Variants in DLGAP2 observed in about 807,000 individuals in gnomAD.
DLGAP2 encodes disks large-associated protein 2.
A neutral mutation model predicts 100.3 loss-of-function variants in DLGAP2; 26 were observed. The ratio of observed to expected loss-of-function variants is 0.26; its 90% CI spans 0.19 to 0.36. DLGAP2 has a LOEUF of 0.36. Among genes scored for constraint, DLGAP2 ranks in the 10% least tolerant of loss-of-function variants. DLGAP2 has a pLI of 1.00. For missense variants in DLGAP2, 1,858 were observed against 1,453.2 expected (o/e 1.28, Z -4.53); for synonymous variants, 886 against 630.1 (o/e 1.41, Z -6.08).
At chr8:1,067,604 CGTGTGTGTGTGTGT>C (rs3220190) in intron 2 of DLGAP2, among the ~76,000 whole-genome samples, 14 of 140,304 alleles carry the variant, frequency 1.0e-4, no homozygotes, top group African/African-American at 3.0e-4. Context: ...GGTTGAGTGA[CGTGTGTGTGTGTGT>C]GTGTGTGTGT....
intron 1 of DLGAP2, among the ~76,000 whole-genome samples, chr8:774,850 A>G (rs1170956721): frequency 1.4e-5 from 2 of 146,340 alleles, no homozygotes; most frequent in East Asian, 2.0e-4. Context: ...TTGGTTCCAT[A>G]TGAACTTTAA....
At chr8:1,103,716 T>G (rs1236094084) in intron 2 of DLGAP2, among the ~76,000 whole-genome samples, 1 of 46,862 alleles carries the variant, frequency 2.1e-5, no homozygotes, top group Non-Finnish European at 4.2e-5. Flanking sequence ...GGGCCTTGGT[T>G]GACGGTGATG....
chr8:1,408,347 C>T (rs928066925), intron 3 of DLGAP2, among the ~76,000 whole-genome samples: 13 of 152,192 alleles, frequency 8.5e-5, no homozygotes, highest in Admixed American at 1.3e-4. Context: ...CTCGGGGAGG[C>T]GTCTGTGTTC....
intron 2 of DLGAP2, among the ~76,000 whole-genome samples, chr8:1,199,977 G>C (rs1797835360): frequency 6.6e-6 from 1 of 152,126 alleles, no homozygotes; most frequent in Admixed American, 6.5e-5. Flanking sequence ...TCTCAGCAGG[G>C]GTCAGTCTGT....
intron 3 of DLGAP2, among the ~76,000 whole-genome samples, chr8:1,457,975 C>CATATATATATATATATATATAT (rs57897392): frequency 1.9e-5 from 2 of 107,738 alleles, no homozygotes; most frequent in Non-Finnish European, 3.9e-5. Flanking sequence ...GTTCTCTGAT[C>CATATATATATATATATATATAT]ATATATATAT....
At position 1,430,023 on chromosome 8, in the gene DLGAP2, TATATAC is replaced by T. The variant is rs1563142124; in HGVS notation, c.107-71341_107-71336del. Among the ~76,000 whole-genome samples, 18 of 97,926 alleles carry T rather than the reference TATATAC, an allele frequency of 1.8e-4. 1 individual carries two copies. Among genetic ancestry groups the T allele is most frequent in the Admixed American group, 4.5e-4 (4 of 8,920 alleles). 64.2% of individuals were successfully genotyped at this position (97,926 alleles called of 152,430 possible). On this transcript the variant is annotated intron_variant, in intron 3 of 14. Coordinates refer to ENST00000637795, the MANE Select transcript of DLGAP2 (RefSeq NM_001346810.2). The stretch of plus-strand genomic sequence containing the variant: ...ATATATATACATATATATATATATA[TATATAC>T]ACACACACACATATGAACTTAGAAT...
In DLGAP2 at chr8:1,646,437, A is replaced by G. The variant is rs186841144; in HGVS notation, c.1810+13391A>G. On this transcript the variant is annotated intron_variant, in intron 8 of 14. Transcript: ENST00000637795. ...TCTATATGTGTTCATCTATATCTCTATCGTCTGTCCATCCATCCCACCCAT... is the reference window on the plus strand; with the variant it reads ...TCTATATGTGTTCATCTATATCTCTGTCGTCTGTCCATCCATCCCACCCAT... 9.9e-5 allele frequency among the ~76,000 whole-genome samples: 15 copies of G among 152,090 alleles called. No homozygotes were observed. The East Asian group carries it at 1.5e-3, about 16-fold the overall frequency.
At chr8:1,582,770 T>A (rs1176131169) in intron 6 of DLGAP2, among the ~76,000 whole-genome samples, 2 of 152,160 alleles carry the variant, frequency 1.3e-5, no homozygotes, top group African/African-American at 4.8e-5. Flanking sequence ...TTGTATTTTA[T>A]ATTTTTAGTA....
chr8:1,163,569 G>A (rs1225381263), intron 2 of DLGAP2, among the ~76,000 whole-genome samples: 1 of 152,236 alleles, frequency 6.6e-6, no homozygotes, highest in African/African-American at 2.4e-5. Context: ...TGCTTTTGGG[G>A]CAGAGAGCTG....
At chr8:1,033,464 C>G (rs1802030665) in intron 2 of DLGAP2, among the ~76,000 whole-genome samples, 1 of 152,080 alleles carries the variant, frequency 6.6e-6, no homozygotes, top group African/African-American at 2.4e-5. Context: ...CTGAGGAGTT[C>G]AAGACCAGCC....
At chr8:1,470,083 G>A (rs1798737987) in intron 3 of DLGAP2, among the ~76,000 whole-genome samples, 1 of 152,100 alleles carries the variant, frequency 6.6e-6, no homozygotes, top group Admixed American at 6.6e-5. Flanking sequence ...GATCACTTGA[G>A]CCCAGGAGGT....
intron 2 of DLGAP2, among the ~76,000 whole-genome samples, chr8:1,004,252 G>A (rs1801043153): frequency 6.6e-6 from 1 of 152,100 alleles, no homozygotes; most frequent in Non-Finnish European, 1.5e-5. Context: ...TTTCTCTAGG[G>A]ACCACACATA....
chr8:1,620,554 CA>C, intron 6 of DLGAP2: 1 of 152,542 alleles, frequency 6.6e-6, no homozygotes, highest in Non-Finnish European at 1.5e-5. Flanking sequence ...GTCCAACCTC[CA>C]AAACCTGTTT....
At chr8:1,287,314 C>CGT (rs770250090) in intron 3 of DLGAP2, among the ~76,000 whole-genome samples, 42 of 75,714 alleles carry the variant, frequency 5.5e-4, no homozygotes, top group Non-Finnish European at 9.2e-4. Context: ...TTCGGTTCAG[C>CGT]GTGTGTGTGT....
At chr8:782,530 T>C (rs1365710836) in intron 1 of DLGAP2, among the ~76,000 whole-genome samples, 3 of 152,210 alleles carry the variant, frequency 2.0e-5, no homozygotes, top group Non-Finnish European at 4.4e-5. Context: ...CATGTCAATA[T>C]TTGATGAAAT....
At chr8:767,941 G>A (rs1190148472) in intron 1 of DLGAP2, among the ~76,000 whole-genome samples, 1 of 152,176 alleles carries the variant, frequency 6.6e-6, no homozygotes, top group African/African-American at 2.4e-5. Flanking sequence ...CATTTAAGCT[G>A]TTTTTTACAA....
intron 2 of DLGAP2, among the ~76,000 whole-genome samples, chr8:1,109,053 T>A (rs1804871343): frequency 7.1e-6 from 1 of 141,490 alleles, no homozygotes; most frequent in South Asian, 2.4e-4. Context: ...TGCATGTGCC[T>A]ATGAAGTGTG....
At chr8:1,079,398 C>T (rs1336944729) in intron 2 of DLGAP2, among the ~76,000 whole-genome samples, 1 of 151,938 alleles carries the variant, frequency 6.6e-6, no homozygotes, top group Non-Finnish European at 1.5e-5. Flanking sequence ...TGTATTAGTG[C>T]CTTAAGTTCT....
At chr8:894,112 G>A (rs543256316) in intron 1 of DLGAP2, among the ~76,000 whole-genome samples, 3 of 152,316 alleles carry the variant, frequency 2.0e-5, no homozygotes, top group South Asian at 2.1e-4. Flanking sequence ...AGCAGTGTGC[G>A]TCTCCCTCTC....
Sources: gnomAD v4.1 joint callset for allele counts (sites outside exome capture counted in the v4.1 genomes callset) on GRCh38, gnomAD v4.1.1 for gene constraint, MANE v1.5 for transcripts, NCBI Gene and HGNC (gene_info 2026-07-23, HGNC 2026-07-21) for gene names.